GNG2: variants seen among roughly 807,000 people sequenced by gnomAD.
GNG2 encodes G protein subunit gamma 2, also known as guanine nucleotide-binding protein G(I)/G(S)/G(O) subunit gamma-2.
In GNG2, 5 loss-of-function variants were observed where a neutral mutation model predicts 5.5. The ratio of observed to expected loss-of-function variants is 0.91; its 90% CI spans 0.48 to 1.92. The LOEUF (loss-of-function observed/expected upper bound fraction) is 1.92. GNG2 is among the 30% of genes most tolerant of loss of function. The pLI is 0.01. For missense variants in GNG2, 55 were observed against 88.4 expected (o/e 0.62, Z 1.52); for synonymous variants, 28 against 32.0 (o/e 0.88, Z 0.42).
chr14:51,855,412 G>T (rs1326355717), intron 2 of GNG2, among the ~76,000 whole-genome samples: 1 of 152,178 alleles, frequency 6.6e-6, no homozygotes, highest in Non-Finnish European at 1.5e-5. Flanking sequence ...AGTCTTCTTG[G>T]CTCCTAACAG....
intron 3 of GNG2, among the ~76,000 whole-genome samples, chr14:51,965,658 A>C (rs1889850264): frequency 6.6e-6 from 1 of 152,198 alleles, no homozygotes; most frequent in East Asian, 1.9e-4. Context: ...TGAAGTATAA[A>C]AATATGTTCT....
chr14:51,914,408 G>T (rs1432692631), intron 2 of GNG2: 1 of 622,784 alleles, frequency 1.6e-6, no homozygotes, highest in Non-Finnish European at 2.9e-6. Context: ...AAGGATCCTT[G>T]TGCTAAGGTT....
At chr14:51,913,365 A>T (rs902687202) in intron 2 of GNG2, 2 of 152,174 alleles carry the variant, frequency 1.3e-5, no homozygotes, top group African/African-American at 4.8e-5. Context: ...AAAAAAGAAA[A>T]TTAGCCAGTG....
chr14:51,828,429 A>G (rs1881091543), intron 2 of GNG2, among the ~76,000 whole-genome samples: 1 of 152,186 alleles, frequency 6.6e-6, no homozygotes, highest in African/African-American at 2.4e-5. Flanking sequence ...ACTTTTTGAT[A>G]TTGCTTATCC....
chr14:51,950,673 A>C lies in GNG2; in HGVS notation c.-6A>C, dbSNP rs748484489. The C allele has an allele frequency of 1.2e-6, 2 of 1,606,812 alleles. No homozygotes were observed. The highest frequency in any genetic ancestry group is 1.3e-5 in the African/African-American group (1 of 74,660). Reference sequence around the variant, plus strand: ...AGTGTTTCTGAAAGATCTATCCAGCACTCCGATGGCCAGCAACAACACCGC... The same window carrying C: ...AGTGTTTCTGAAAGATCTATCCAGCCCTCCGATGGCCAGCAACAACACCGC... On this transcript the variant is annotated 5_prime_UTR_variant, in exon 3 of 4. Coordinates refer to ENST00000556766, the MANE Select transcript of GNG2 (RefSeq NM_053064.5).
intron 2 of GNG2, chr14:51,916,414 G>A: frequency 2.2e-6 from 1 of 449,236 alleles, no homozygotes; most frequent in South Asian, 1.6e-5. Context: ...TTCCCACGAG[G>A]ACCTATTTTG....
chr14:51,953,021 C>T (rs1889079355), intron 3 of GNG2, among the ~76,000 whole-genome samples: 1 of 152,142 alleles, frequency 6.6e-6, no homozygotes, highest in African/African-American at 2.4e-5. Context: ...TATAGAACAA[C>T]TTTTAATTCT....
intron 2 of GNG2, among the ~76,000 whole-genome samples, chr14:51,909,753 T>C (rs1402653864): frequency 2.0e-5 from 3 of 152,228 alleles, no homozygotes; most frequent in Non-Finnish European, 2.9e-5. Context: ...AACTCTGACA[T>C]CTTCAGACAT....
intron 1 of GNG2, among the ~76,000 whole-genome samples, chr14:51,871,408 C>T (rs1883288104): frequency 6.6e-6 from 1 of 150,638 alleles, no homozygotes; most frequent in Non-Finnish European, 1.5e-5. Flanking sequence ...AGAAAAGTAA[C>T]ATTCAAAGAT....
intron 1 of GNG2, among the ~76,000 whole-genome samples, chr14:51,875,319 G>A (rs539179241): frequency 2.6e-5 from 4 of 152,172 alleles, no homozygotes; most frequent in Non-Finnish European, 4.4e-5. Flanking sequence ...GGAAGGGGAG[G>A]CCCTGACCCA....
At chr14:51,870,351 A>G (rs949899403) in intron 1 of GNG2, among the ~76,000 whole-genome samples, 5 of 152,256 alleles carry the variant, frequency 3.3e-5, no homozygotes, top group African/African-American at 1.2e-4. Context: ...GGCAAAGTAA[A>G]GAATAACCTT....
At chr14:51,892,198 C>T (rs1370136036) in intron 2 of GNG2, among the ~76,000 whole-genome samples, 2 of 152,202 alleles carry the variant, frequency 1.3e-5, no homozygotes, top group Middle Eastern at 3.4e-3. Flanking sequence ...GAGACAAGGA[C>T]GTAAATTGTT....
At chr14:51,938,339 A>G (rs1888130655) in intron 2 of GNG2, among the ~76,000 whole-genome samples, 1 of 152,164 alleles carries the variant, frequency 6.6e-6, no homozygotes, top group Non-Finnish European at 1.5e-5. Context: ...TGTTATGAGG[A>G]ATGGAGATTA....
chr14:51,862,311 C>G (rs993094221), intron 1 of GNG2, among the ~76,000 whole-genome samples: 4 of 152,156 alleles, frequency 2.6e-5, no homozygotes, highest in Non-Finnish European at 5.9e-5. Context: ...GAAGGATTCA[C>G]TGAATTTAAT....
chr14:51,861,342 C>T (rs1484609284), intron 1 of GNG2: 1 of 152,174 alleles, frequency 6.6e-6, no homozygotes. Flanking sequence ...CCTCCCTCAG[C>T]TTGTGCAGCT....
chr14:51,890,329 A>AT (rs1372081027), intron 2 of GNG2, among the ~76,000 whole-genome samples: 2 of 152,252 alleles, frequency 1.3e-5, no homozygotes, highest in Non-Finnish European at 2.9e-5. Flanking sequence ...GAGAAAAGGC[A>AT]TTTTTTTCCC....
intron 2 of GNG2, among the ~76,000 whole-genome samples, chr14:51,945,551 T>A (rs1024119261): frequency 6.6e-6 from 1 of 152,122 alleles, no homozygotes; most frequent in African/African-American, 2.4e-5. Flanking sequence ...AGTTATTGTT[T>A]GATGGGTATA....
intron 2 of GNG2, among the ~76,000 whole-genome samples, chr14:51,904,461 G>A (rs907041780): frequency 2.0e-5 from 3 of 152,168 alleles, no homozygotes; most frequent in African/African-American, 7.2e-5. Context: ...TTTACAGAGA[G>A]GGATTCACTT....
chr14:51,849,809 T>G (rs1311648929), intron 2 of GNG2, among the ~76,000 whole-genome samples: 1 of 21,672 alleles, frequency 4.6e-5, no homozygotes, highest in African/African-American at 6.1e-5. Context: ...CAAATGCTTT[T>G]TTTTTTTTTT....
Sources: allele counts gnomAD v4.1 joint callset (sites outside exome capture counted in the v4.1 genomes callset), GRCh38; gene constraint gnomAD v4.1.1; transcripts MANE v1.5; gene names NCBI Gene and HGNC (gene_info 2026-07-23, HGNC 2026-07-21).